Variants in CR1L observed in about 807,000 individuals in gnomAD.
CR1L encodes complement C3b/C4b receptor 1 like, also known as complement component receptor 1-like protein.
Under a neutral mutation model 62.3 loss-of-function variants are expected in CR1L, and 59 were observed. That is an observed-to-expected ratio of 0.95 (90% confidence interval 0.77 to 1.18). The LOEUF (loss-of-function observed/expected upper bound fraction) is 1.18. Ranked by LOEUF, CR1L falls within the 50% of genes most tolerant of loss-of-function variation. The probability of loss-of-function intolerance (pLI) is 0.00; values close to 1 mark genes in which losing one functional copy is unlikely to be tolerated. For missense variants in CR1L, 700 were observed against 702.8 expected (o/e 1.00, Z 0.04); for synonymous variants, 279 against 248.7 (o/e 1.12, Z -1.15).
intron 1 of CR1L, among the ~76,000 whole-genome samples, chr1:207,654,860 C>G (rs1369057055): frequency 6.6e-6 from 1 of 152,214 alleles, no homozygotes; most frequent in South Asian, 2.1e-4. Flanking sequence ...TCTCTACAGT[C>G]TTGTCCTTAC....
chr1:207,718,336 G>A (rs564793476), intron 11 of CR1L, among the ~76,000 whole-genome samples: 14 of 152,258 alleles, frequency 9.2e-5, no homozygotes, highest in African/African-American at 3.1e-4. Flanking sequence ...CTTGACAACC[G>A]TAGATGCATT....
At chr1:207,686,139 CCTT>C (rs1663904392) in intron 4 of CR1L, among the ~76,000 whole-genome samples, 8 of 48,622 alleles carry the variant, frequency 1.6e-4, no homozygotes, top group South Asian at 1.0e-3. Context: ...TCCCTCCCTT[CCTT>C]CCTTCCTTCC....
intron 1 of CR1L, among the ~76,000 whole-genome samples, chr1:207,648,884 T>G (rs1421967991): frequency 1.3e-5 from 2 of 152,240 alleles, no homozygotes; most frequent in African/African-American, 4.8e-5. Flanking sequence ...TTCTGTAGAA[T>G]GATTATTTTC....
intron 1 of CR1L, chr1:207,652,497 G>A: frequency 1.9e-6 from 2 of 1,038,854 alleles, no homozygotes; most frequent in Non-Finnish European, 3.0e-6. Flanking sequence ...CATGGCTGAT[G>A]AAAGTGATAT....
intron 10 of CR1L, among the ~76,000 whole-genome samples, chr1:207,712,016 A>G (rs1037059789): frequency 1.3e-5 from 2 of 152,216 alleles, no homozygotes; most frequent in African/African-American, 4.8e-5. Flanking sequence ...GACTCTGGGC[A>G]CATTGCCTGT....
At position 207,694,667 on chromosome 1, in the gene CR1L, C is replaced by T. The variant is rs1352397848; in HGVS notation, c.778C>T (p.Pro260Ser). 1.1e-5 allele frequency: 17 copies of T among 1,611,730 alleles called. 1 individual carries two copies. In the South Asian group the frequency reaches 1.2e-4, roughly 11 times the overall value. ...LNEVVEFRCQ[P>S]GFGMKGPSHV... ...TGAAGTTGTGGAGTTTAGGTGTCAG[C>T]CTGGCTTTGGCATGAAAGGGCCCTC... Residue 260 changes from proline to serine, a missense_variant, in exon 5 of 12, where the codon CCT (proline) becomes TCT (serine). Pro to Ser is a moderately conservative substitution (Grantham distance 74). Coordinates refer to ENST00000508064, the MANE Select transcript of CR1L (RefSeq NM_175710.2).
Position 207,701,455 on chromosome 1 carries a change from AC to A in CR1L, c.1229-62del, listed in dbSNP as rs1226461523. On this transcript the variant is annotated intron_variant, in intron 8 of 11. Transcript: ENST00000508064. ...TTCAGGAAGCTACATGCAGGTTGAG[AC>A]CTTACGTACTGAAGAGAGTTCAGAT... 3 of 1,593,534 alleles carry A rather than the reference AC, an allele frequency of 1.9e-6. No individual in the cohort carries two copies. The African/African-American group carries it at 4.0e-5, about 21-fold the overall frequency.
At chr1:207,715,295 C>CA (rs1553246059) in intron 10 of CR1L, 1 of 1,283,626 alleles carries the variant, frequency 7.8e-7, no homozygotes, top group Non-Finnish European at 1.1e-6. Flanking sequence ...TTTGCTACCA[C>CA]TTTTTTTTTT....
chr1:207,686,056 TTTGC>T lies in CR1L; in HGVS notation c.463+2106_463+2109del, dbSNP rs1663896818. Among the ~76,000 whole-genome samples, 11 of 131,618 alleles carry T rather than the reference TTTGC, an allele frequency of 8.4e-5. No individual in the cohort carries two copies. The South Asian group carries it at 2.9e-3, about 35-fold the overall frequency. The allele number at this position is 131,618 out of a possible 152,430, so 86.3% of individuals were successfully genotyped here. On this transcript the variant is annotated intron_variant, in intron 4 of 11. Coordinates refer to ENST00000508064, the MANE Select transcript of CR1L (RefSeq NM_175710.2). ...TCTGCCTGCCTGCTTGCCTTCCTTC[TTTGC>T]TTGCTTCCTTCCTTTCTCCCTCCCT... is the stretch of plus-strand genomic sequence containing the variant.
intron 11 of CR1L, among the ~76,000 whole-genome samples, chr1:207,722,974 G>T (rs1654171900): frequency 6.6e-6 from 1 of 152,052 alleles, no homozygotes; most frequent in Non-Finnish European, 1.5e-5. Context: ...ATATTAGTTT[G>T]CCTTTGTTGT....
intron 1 of CR1L, chr1:207,652,498 A>C: frequency 9.6e-7 from 1 of 1,042,850 alleles, no homozygotes; most frequent in Non-Finnish European, 1.5e-6. Flanking sequence ...ATGGCTGATG[A>C]AAGTGATATC....
rs1464746138 is a variant in CR1L, at chr1:207,645,330, G to T, written c.97G>T (p.Asp33Tyr). ...GGTGTTGCTGCTGTCCTCCTTCTCC[G>T]GTAGGACCCCGGGGTGGATTCGCGC... ...ALVLLLSSFS[D>Y]QCNVPEWLPF... Residue 33 changes from aspartate to tyrosine, a missense_variant and splice_region_variant, in exon 1 of 12, where the codon GAT becomes TAT. By Grantham distance (160) the Asp-to-Tyr change is radical. Transcript: ENST00000508064. 8.1e-6 allele frequency: 13 copies of T among 1,613,904 alleles called. 1 individual carries two copies. In the Middle Eastern group the frequency reaches 1.5e-3, roughly 186 times the overall value.
Position 207,685,898 on chromosome 1 carries a change from CCAGAACCGTA to C in CR1L, c.463+1946_463+1955del, listed in dbSNP as rs919917474. On this transcript the variant is annotated intron_variant, in intron 4 of 11. Coordinates refer to ENST00000508064, the MANE Select transcript of CR1L (RefSeq NM_175710.2). ...TAATTTCTCATGCTGTAACCCTAGT[CCAGAACCGTA>C]CAGAGAAAGTAAGTCTGGAAAACTT... Among the ~76,000 whole-genome samples the C allele has an allele frequency of 2.5e-4, 38 of 152,194 alleles. No homozygotes were observed. The South Asian group carries it at 3.1e-3, about 12-fold the overall frequency.
rs2102462274 is a variant in CR1L at position 207,683,963 on chromosome 1, T to C, written c.463+6T>C. 6.2e-7 allele frequency: 1 copy of C among 1,609,086 alleles called. No individual in the cohort carries two copies. Among genetic ancestry groups the C allele is most frequent in the Non-Finnish European group, 8.5e-7 (1 of 1,176,136 alleles). On this transcript the variant is annotated splice_donor_region_variant and intron_variant, in intron 4 of 11. Transcript: ENST00000508064. ...TAAAACACCTGTTTGTGACAGTGAG[T>C]TGAAATATGCATTCCTATTTCTTTT...
In CR1L at chr1:207,717,565, C is replaced by T. The variant is rs368646288; in HGVS notation, c.1516C>T (p.Pro506Ser). 1 of 1,613,828 alleles carries T rather than the reference C, an allele frequency of 6.2e-7. No individual in the cohort carries two copies. The highest frequency in any genetic ancestry group is 1.7e-5 in the Admixed American group (1 of 60,002). ...YGKEVSYTCD[P>S]HPDRGMTFNL... is the part of the protein sequence containing the mutation. ...AAAAGAAGTATCTTACACATGTGACCCCCACCCAGACAGAGGGATGACCTT... is the reference window on the plus strand; with the variant it reads ...AAAAGAAGTATCTTACACATGTGACTCCCACCCAGACAGAGGGATGACCTT... Residue 506 changes from proline (P) to serine (S), a missense_variant, in exon 11 of 12, where the codon CCC becomes TCC. Pro to Ser is a moderately conservative substitution (Grantham distance 74, BLOSUM62 -1). Transcript: ENST00000508064.
chr1:207,717,594 C>T lies in CR1L; in HGVS notation c.1545C>T (p.Asn515=), dbSNP rs201873320. 5.6e-6 allele frequency: 9 copies of T among 1,613,966 alleles called. No homozygotes were observed. Among genetic ancestry groups the T allele is most frequent in the Middle Eastern group, 1.6e-4 (1 of 6,062 alleles). The change falls in exon 11 of 12, where the codon AAC becomes AAT. Residue 515 remains asparagine, a synonymous_variant. Transcript: ENST00000508064. ...DPHPDRGMTF[N]LIGESTIRRT... Reference sequence around the variant, plus strand: ...ACCCAGACAGAGGGATGACCTTCAACCTCATTGGGGAGAGCACCATCCGCC... The same window carrying T: ...ACCCAGACAGAGGGATGACCTTCAATCTCATTGGGGAGAGCACCATCCGCC...
chr1:207,702,253 A>G (rs958427928), intron 9 of CR1L, among the ~76,000 whole-genome samples: 3 of 152,150 alleles, frequency 2.0e-5, no homozygotes, highest in Admixed American at 6.5e-5. Context: ...CATTGTTTGG[A>G]GTCCCTACGA....
At chr1:207,715,283 C>A in intron 10 of CR1L, 1 of 1,404,328 alleles carries the variant, frequency 7.1e-7, no homozygotes, top group Non-Finnish European at 1.0e-6. Context: ...ATTGCTCACA[C>A]ATTTGCTACC....
intron 9 of CR1L, among the ~76,000 whole-genome samples, chr1:207,703,042 A>G (rs1448448161): frequency 6.6e-6 from 1 of 152,178 alleles, no homozygotes; most frequent in East Asian, 1.9e-4. Context: ...GTGCCACTGC[A>G]CTCCAGGTTG....
Sources: allele counts gnomAD v4.1 joint callset (sites outside exome capture counted in the v4.1 genomes callset), GRCh38; gene constraint gnomAD v4.1.1; transcripts MANE v1.5; gene names NCBI Gene and HGNC (gene_info 2026-07-23, HGNC 2026-07-21).